ZNF100: variants seen among roughly 807,000 people sequenced by gnomAD.
ZNF100 encodes the protein zinc finger protein 100, also known as zinc finger protein 100 (Y1).
ZNF100 carries 12 observed loss-of-function variants against 15.8 expected under a neutral mutation model. The observed-to-expected ratio is 0.76, with a 90% CI of 0.49 to 1.23. The LOEUF is 1.23. Ranked by LOEUF, ZNF100 falls within the 50% of genes most tolerant of loss-of-function variation. The pLI is 0.00. For missense variants in ZNF100, 670 were observed against 635.6 expected (o/e 1.05, Z -0.58); for synonymous variants, 226 against 214.8 (o/e 1.05, Z -0.45).
chr19:21,752,054 G>C lies in ZNF100; in HGVS notation c.97-6987C>G, dbSNP rs907615697. On this transcript the variant is annotated intron_variant, in intron 2 of 4. Transcript: ENST00000358296. ...AAGATCTCAAATTCAAGAGACGCAC[G>C]GACAACAAGGATCATACTCCATAGA... 4.7e-5 allele frequency: 12 copies of C among 254,570 alleles called. No individual in the cohort carries two copies. In the Admixed American group the frequency reaches 6.1e-4, roughly 13 times the overall value. 15.8% of individuals were successfully genotyped at this position (254,570 alleles called of 1,614,324 possible).
chr19:21,739,862 T>G (rs747005293), intron 4 of ZNF100, among the ~76,000 whole-genome samples: 25 of 152,164 alleles, frequency 1.6e-4, no homozygotes, highest in Non-Finnish European at 3.4e-4. Context: ...AAACACATTC[T>G]TCAACATATT....
In ZNF100 at chr19:21,727,490, T is replaced by A. The variant is rs745647881; in HGVS notation, c.822A>T (p.Ser274=). 3 of 1,613,616 alleles carry A rather than the reference T, an allele frequency of 1.9e-6. No individual in the cohort carries two copies. The highest frequency in any genetic ancestry group is 2.5e-6 in the Non-Finnish European group (3 of 1,179,816). Residue 274 remains serine, a synonymous_variant, in exon 5 of 5, where the codon TCA becomes TCT. Coordinates refer to ENST00000358296, the MANE Select transcript of ZNF100 (RefSeq NM_173531.4). The stretch of plus-strand genomic sequence containing the variant: ...GAATTATCTTATGTGTAGTAAGGTG[T>A]GAGGACCGGTTAAATGCTTTCCCAC... The part of the protein sequence containing the change: ...EECGKAFNRS[S]HLTTHKIIHT...
In ZNF100 at chr19:21,751,554, G is replaced by A. The variant is rs1330144781; in HGVS notation, c.97-6487C>T. On this transcript the variant is annotated intron_variant, in intron 2 of 4. Transcript: ENST00000358296. ...ACTAACTAGAAAAGGATTGTTCTGG[G>A]AGCCACTCTTCTTGCCTCCAAGGTT... 3.9e-6 allele frequency: 5 copies of A among 1,291,782 alleles called. No individual in the cohort carries two copies. In the South Asian group the frequency reaches 4.7e-5, roughly 12 times the overall value. 80.0% of individuals were successfully genotyped at this position (1,291,782 alleles called of 1,614,324 possible). A position where few individuals can be genotyped will look rare whatever the true frequency, so the allele number is the denominator to read the frequency against.
In ZNF100 at chr19:21,727,025, G is replaced by A; in HGVS notation, c.1287C>T (p.Tyr429=). ...AAGCTTTGCCACATTCTTCACATTT[G>A]TAGGGTTTCTCTCCAGTATGAATTC... ...HKRIHTGEKP[Y]KCEECGKAFN... The change falls in exon 5 of 5, where the codon TAC becomes TAT. Residue 429 remains tyrosine (Y), a synonymous_variant. Coordinates refer to ENST00000358296, the MANE Select transcript of ZNF100 (RefSeq NM_173531.4). The A allele has an allele frequency of 6.2e-7, 1 of 1,613,964 alleles. No homozygotes were observed. The highest frequency in any genetic ancestry group is 8.5e-7 in the Non-Finnish European group (1 of 1,179,940).
chr19:21,737,962 C>T (rs972771282), intron 4 of ZNF100, among the ~76,000 whole-genome samples: 3 of 151,994 alleles, frequency 2.0e-5, no homozygotes, highest in African/African-American at 7.2e-5. Flanking sequence ...TGATAAATAT[C>T]GATGCAGGCC....
rs768405051 is a variant in ZNF100 at position 21,744,060 on chromosome 19, C to T, written c.279G>A (p.Glu93=). 1.9e-6 allele frequency: 3 copies of T among 1,612,788 alleles called. No individual in the cohort carries two copies. The highest frequency in any genetic ancestry group is 2.2e-5 in the East Asian group (1 of 44,824). ...TCTCATGTCTCTTTATATTCCAGGG[C>T]TCTTTTCCTTGCTCCAGACAGGTGA... The part of the protein sequence containing the change: ...DLITCLEQGK[E]PWNIKRHEMV... The change falls in exon 4 of 5, where the codon GAG becomes GAA. Residue 93 remains glutamate, a synonymous_variant. Transcript: ENST00000358296.
intron 2 of ZNF100, among the ~76,000 whole-genome samples, chr19:21,763,877 T>C (rs982546326): frequency 3.3e-5 from 5 of 152,348 alleles, no homozygotes; most frequent in Admixed American, 6.5e-5. Context: ...TTATAGTTGG[T>C]ATTCCTCCTG....
At chr19:21,751,075 G>C in intron 2 of ZNF100, 1 of 1,433,958 alleles carries the variant, frequency 7.0e-7, no homozygotes. Flanking sequence ...TTTAGCTTTG[G>C]AGTCAAACCC....
chr19:21,754,403 A>C (rs1238849148), intron 2 of ZNF100, among the ~76,000 whole-genome samples: 1 of 152,202 alleles, frequency 6.6e-6, no homozygotes, highest in Non-Finnish European at 1.5e-5. Context: ...CATTATTTCA[A>C]TAGAAAAAAG....
intron 2 of ZNF100, among the ~76,000 whole-genome samples, chr19:21,749,276 GTA>G (rs1000868248): frequency 6.7e-6 from 1 of 149,438 alleles, no homozygotes; most frequent in African/African-American, 2.5e-5. Context: ...GTTATCTCTT[GTA>G]TGAGTATGAA....
At chr19:21,731,302 C>CTTTTTTTTT (rs1052854047) in intron 4 of ZNF100, among the ~76,000 whole-genome samples, 4 of 139,632 alleles carry the variant, frequency 2.9e-5, no homozygotes, top group African/African-American at 5.7e-5. Context: ...TTTTTCTTTC[C>CTTTTTTTTT]TTTTTTTTTT....
intron 2 of ZNF100, among the ~76,000 whole-genome samples, chr19:21,746,515 T>G (rs2036214360): frequency 1.3e-5 from 2 of 152,158 alleles, no homozygotes. Context: ...ATAGGAATCT[T>G]GAGTATCCAC....
At chr19:21,729,992 G>T (rs372774269) in intron 4 of ZNF100, among the ~76,000 whole-genome samples, 1 of 151,706 alleles carries the variant, frequency 6.6e-6, no homozygotes, top group African/African-American at 2.4e-5. Flanking sequence ...AAACAAGAAA[G>T]AAGTAAAAGC....
intron 4 of ZNF100, among the ~76,000 whole-genome samples, chr19:21,737,101 T>C (rs1284464505): frequency 6.6e-6 from 1 of 150,866 alleles, no homozygotes; most frequent in African/African-American, 2.4e-5. Context: ...AATCAATATA[T>C]CCAGGAGCTG....
rs1248515306 is a variant in ZNF100, at chr19:21,723,767, T to TA, written c.*2915dup. On this transcript the variant is annotated 3_prime_UTR_variant, in exon 5 of 5. Transcript: ENST00000358296. ...AACTGTCATGTATGTTTGCTACATT[T>TA]AAATATAAAAACATCCTCACGACTT... 2 of 152,200 alleles carry TA rather than the reference T, an allele frequency of 1.3e-5. No individual in the cohort carries two copies. Among genetic ancestry groups the TA allele is most frequent in the Non-Finnish European group, 2.9e-5 (2 of 68,038 alleles). 9.4% of individuals were successfully genotyped at this position (152,200 alleles called of 1,614,324 possible).
intron 4 of ZNF100, among the ~76,000 whole-genome samples, chr19:21,736,593 A>T (rs1568296029): frequency 6.6e-6 from 1 of 152,236 alleles, no homozygotes; most frequent in Non-Finnish European, 1.5e-5. Context: ...AACACAATAC[A>T]CATTCTTCTA....
At position 21,754,128 on chromosome 19, in the gene ZNF100, C is replaced by A. The variant is rs142550692; in HGVS notation, c.97-9061G>T. On this transcript the variant is annotated intron_variant, in intron 2 of 4. Coordinates refer to ENST00000358296, the MANE Select transcript of ZNF100 (RefSeq NM_173531.4). ...CATTCCTGGGCCAGGAATACTTCCT[C>A]TACTATAGCAATATTTCACATCATA... 3.7e-3 allele frequency among the ~76,000 whole-genome samples: 570 copies of A among 152,148 alleles called. 2 individuals are homozygous for A. The highest frequency in any genetic ancestry group is 0.013 in the African/African-American group (550 of 41,518).
intron 2 of ZNF100, chr19:21,746,898 G>A (rs1462136366): frequency 2.0e-5 from 3 of 152,016 alleles, no homozygotes; most frequent in African/African-American, 7.3e-5. Context: ...CTCTAAAGAA[G>A]TAACATCTAC....
Position 21,727,716 on chromosome 19 carries a change from T to C in ZNF100, c.596A>G (p.His199Arg), listed in dbSNP as rs1196495681. Residue 199 changes from histidine (H) to arginine (R), a missense_variant, in exon 5 of 5, where the codon CAT becomes CGT. By Grantham distance (29) the His-to-Arg change is conservative (BLOSUM62 0). Transcript: ENST00000358296. ...FSNSNRHKIRHTRKKPFKCKK... is the reference protein window; with the variant it reads ...FSNSNRHKIRRTRKKPFKCKK... ...ACATTTGAAAGGTTTCTTTCTAGTA[T>C]GTCTTATCTTATGTCTGTTTGAATT... 5 of 1,613,632 alleles carry C rather than the reference T, an allele frequency of 3.1e-6. No homozygotes were observed. Among genetic ancestry groups the C allele is most frequent in the Admixed American group, 1.7e-5 (1 of 59,962 alleles).
Sources: gnomAD v4.1 joint callset for allele counts (sites outside exome capture counted in the v4.1 genomes callset) on GRCh38, gnomAD v4.1.1 for gene constraint, MANE v1.5 for transcripts, NCBI Gene and HGNC (gene_info 2026-07-23, HGNC 2026-07-21) for gene names.